Variants in LRRTM4 observed in about 807,000 individuals in gnomAD.
LRRTM4 encodes leucine rich repeat transmembrane neuronal 4, also known as leucine-rich repeat transmembrane neuronal protein 4.
A neutral mutation model predicts 47.6 loss-of-function variants in LRRTM4; 25 were observed. The observed-to-expected ratio is 0.53, with a 90% CI of 0.38 to 0.73. The LOEUF (loss-of-function observed/expected upper bound fraction) is 0.73, where lower values mean the gene tolerates loss of function less well. LRRTM4 is among the 30% of genes least tolerant of loss of function. LRRTM4 has a pLI of 0.00. For missense variants in LRRTM4, 638 were observed against 713.4 expected, an observed-to-expected ratio of 0.89 and a Z score of 1.20; for synonymous variants, 311 against 269.5, an observed-to-expected ratio of 1.15 and a Z score of -1.51.
intron 3 of LRRTM4, among the ~76,000 whole-genome samples, chr2:77,281,986 A>G (rs1030916247): frequency 3.3e-5 from 5 of 151,966 alleles, no homozygotes; most frequent in Admixed American, 2.0e-4. Flanking sequence ...TTATGTTGGT[A>G]GTTTGATAGG....
At chr2:77,067,656 G>A (rs1328295665) in intron 3 of LRRTM4, among the ~76,000 whole-genome samples, 3 of 146,980 alleles carry the variant, frequency 2.0e-5, no homozygotes, top group African/African-American at 7.7e-5. Context: ...ATAAAAAGAA[G>A]GATTACGGTG....
At chr2:77,159,977 TC>T (rs1375879355) in intron 3 of LRRTM4, among the ~76,000 whole-genome samples, 1 of 151,994 alleles carries the variant, frequency 6.6e-6, no homozygotes, top group Admixed American at 6.6e-5. Flanking sequence ...TATGTCTTCT[TC>T]CCCTGTCTTA....
intron 3 of LRRTM4, among the ~76,000 whole-genome samples, chr2:76,769,984 A>G (rs1356780286): frequency 6.6e-6 from 1 of 152,164 alleles, no homozygotes; most frequent in African/African-American, 2.4e-5. Flanking sequence ...ACTCGATCAA[A>G]CCTCTGGGCT....
At chr2:77,432,897 T>A (rs1675439388) in intron 3 of LRRTM4, among the ~76,000 whole-genome samples, 1 of 152,180 alleles carries the variant, frequency 6.6e-6, no homozygotes, top group Admixed American at 6.5e-5. Flanking sequence ...TTACTAAGAT[T>A]TTCTTTGCTT....
At chr2:76,972,567 G>A (rs756322813) in intron 3 of LRRTM4, among the ~76,000 whole-genome samples, 9 of 151,656 alleles carry the variant, frequency 5.9e-5, no homozygotes, top group Non-Finnish European at 1.0e-4. Flanking sequence ...ACAGTTGTGC[G>A]CCACCACACC....
intron 3 of LRRTM4, among the ~76,000 whole-genome samples, chr2:76,807,910 T>C (rs1434229549): frequency 7.0e-6 from 1 of 142,948 alleles, no homozygotes; most frequent in East Asian, 2.1e-4. Flanking sequence ...CTTTTCTTTC[T>C]TTTCTTTCCT....
chr2:76,868,597 C>A (rs2104040120), intron 3 of LRRTM4, among the ~76,000 whole-genome samples: 1 of 152,286 alleles, frequency 6.6e-6, no homozygotes, highest in South Asian at 2.1e-4. Context: ...GCTTGTGTAG[C>A]TTTCCCTCAA....
chr2:77,484,705 A>G (rs1677844224), intron 3 of LRRTM4, among the ~76,000 whole-genome samples: 1 of 152,184 alleles, frequency 6.6e-6, no homozygotes, highest in Admixed American at 6.5e-5. Flanking sequence ...TGTAAATTTA[A>G]TTTAAAACTA....
intron 3 of LRRTM4, among the ~76,000 whole-genome samples, chr2:76,844,018 C>T (rs1282599713): frequency 6.6e-6 from 1 of 151,368 alleles, no homozygotes; most frequent in Non-Finnish European, 1.5e-5. Flanking sequence ...TCTCCTGCCT[C>T]AGCCTCCCGA....
intron 3 of LRRTM4, among the ~76,000 whole-genome samples, chr2:77,151,843 A>G (rs1672439362): frequency 6.6e-6 from 1 of 152,160 alleles, no homozygotes; most frequent in South Asian, 2.1e-4. Flanking sequence ...TTTTAAAAAA[A>G]TATTTCTCAC....
At chr2:77,348,848 TA>T (rs200532819) in intron 3 of LRRTM4, among the ~76,000 whole-genome samples, 2,990 of 151,294 alleles carry the variant, frequency 0.02, 96 homozygotes, top group African/African-American at 0.067. Context: ...TGGTTAGATA[TA>T]AAAAAAACTA....
At chr2:76,796,697 C>A (rs1291596849) in intron 3 of LRRTM4, among the ~76,000 whole-genome samples, 3 of 132,642 alleles carry the variant, frequency 2.3e-5, no homozygotes, top group Non-Finnish European at 4.7e-5. Flanking sequence ...AGATAAAAAC[C>A]ACAAAGACAG....
chr2:77,404,271 T>C (rs1158365136), intron 3 of LRRTM4, among the ~76,000 whole-genome samples: 1 of 151,998 alleles, frequency 6.6e-6, no homozygotes, highest in African/African-American at 2.4e-5. Context: ...GCAATTATTG[T>C]AATTGTATCC....
intron 3 of LRRTM4, among the ~76,000 whole-genome samples, chr2:77,465,460 C>T (rs1184118033): frequency 6.6e-6 from 1 of 152,078 alleles, no homozygotes. Context: ...TTTATAACGT[C>T]ACAGCTGTTA....
At chr2:77,055,874 G>A (rs1178501461) in intron 3 of LRRTM4, among the ~76,000 whole-genome samples, 1 of 151,716 alleles carries the variant, frequency 6.6e-6, no homozygotes, top group Non-Finnish European at 1.5e-5. Flanking sequence ...AAAAGGATGA[G>A]TTCACGTCCT....
intron 3 of LRRTM4, among the ~76,000 whole-genome samples, chr2:77,083,803 T>TTG (rs1558569830): frequency 1.9e-5 from 2 of 105,144 alleles, no homozygotes; most frequent in African/African-American, 3.9e-5. Flanking sequence ...TTTTTTTTTT[T>TTG]TTTTTTTTTT....
intron 3 of LRRTM4, among the ~76,000 whole-genome samples, chr2:77,302,856 TCAGGATAAAG>T (rs1485047810): frequency 1.3e-5 from 2 of 152,178 alleles, no homozygotes; most frequent in Non-Finnish European, 2.9e-5. Flanking sequence ...GAAGACAATG[TCAGGATAAAG>T]CAGTCTGTCT....
chr2:77,044,774 A>G, intron 3 of LRRTM4, among the ~76,000 whole-genome samples: 1 of 151,752 alleles, frequency 6.6e-6, no homozygotes, highest in Non-Finnish European at 1.5e-5. Context: ...ATCTACACAT[A>G]CATATGTATA....
At chr2:76,974,079 T>G (rs182891716) in intron 3 of LRRTM4, among the ~76,000 whole-genome samples, 14 of 150,578 alleles carry the variant, frequency 9.3e-5, no homozygotes, top group African/African-American at 3.4e-4. Context: ...ACCATCCGTT[T>G]AAAAAAATGC....
Sources: gnomAD v4.1 joint callset for allele counts (sites outside exome capture counted in the v4.1 genomes callset) on GRCh38, gnomAD v4.1.1 for gene constraint, MANE v1.5 for transcripts, NCBI Gene and HGNC (gene_info 2026-07-23, HGNC 2026-07-21) for gene names.